The following UGGT2 variants were observed in gnomAD, a reference collection of about 807,000 sequenced individuals.
UGGT2 encodes the protein UDP-glucose:glycoprotein glucosyltransferase 2.
Under a neutral mutation model 192.1 loss-of-function variants are expected in UGGT2, and 180 were observed. That is an observed-to-expected ratio of 0.94 (90% CI 0.83 to 1.06). The LOEUF (loss-of-function observed/expected upper bound fraction) is 1.06, where lower values mean the gene tolerates loss of function less well. UGGT2 is among the 50% of genes least tolerant of loss of function. UGGT2 has a pLI of 0.00. For synonymous variants in UGGT2, 580 were observed against 591.0 expected (o/e 0.98, Z 0.27); for missense variants, 1,849 against 1,795.7 (o/e 1.03, Z -0.54).
At chr13:95,906,323 ATAAT>A (rs2048290245) in intron 20 of UGGT2, among the ~76,000 whole-genome samples, 1 of 152,190 alleles carries the variant, frequency 6.6e-6, no homozygotes, top group South Asian at 2.1e-4. Context: ...CTTAAACTAT[ATAAT>A]TAATTCTAAT....
In UGGT2 at chr13:95,931,632, G is replaced by A. The variant is rs368113762; in HGVS notation, c.1978-4296C>T. ...CCCAGGGGGAGGCAGATGAGGCAGC[G>A]AGAATTCGAGCACAGTGCTGGCCCA... On this transcript the variant is annotated intron_variant, in intron 17 of 38. Transcript: ENST00000376747. Among the ~76,000 whole-genome samples, 124 of 152,232 alleles carry A rather than the reference G, an allele frequency of 8.1e-4. 2 individuals are homozygous for A. In the East Asian group the frequency reaches 0.013, roughly 16 times the overall value.
chr13:95,921,053 A>G (rs2048829285), intron 20 of UGGT2, among the ~76,000 whole-genome samples: 1 of 152,158 alleles, frequency 6.6e-6, no homozygotes, highest in Non-Finnish European at 1.5e-5. Context: ...GGGACACAGA[A>G]GGAGTTGGAA....
intron 19 of UGGT2, 57 bp downstream of exon 19, chr13:95,926,971 G>A (rs2049034318): frequency 6.9e-7 from 1 of 1,449,574 alleles, no homozygotes; most frequent in Non-Finnish European, 9.3e-7. Flanking sequence ...ACTGCCTTAT[G>A]AACATTACAA....
intron 17 of UGGT2, among the ~76,000 whole-genome samples, chr13:95,929,311 T>C (rs1174483230): frequency 6.6e-6 from 1 of 152,256 alleles, no homozygotes; most frequent in African/African-American, 2.4e-5. Flanking sequence ...GCTTTTATTT[T>C]AGATTCGAGG....
intron 10 of UGGT2, among the ~76,000 whole-genome samples, chr13:95,982,483 G>T (rs1482275465): frequency 5.3e-5 from 8 of 152,166 alleles, no homozygotes; most frequent in Non-Finnish European, 1.5e-5. Flanking sequence ...GCATAATAGG[G>T]TGGAGTGGTC....
At chr13:95,973,203 A>AT (rs993701722) in intron 10 of UGGT2, among the ~76,000 whole-genome samples, 118 of 152,038 alleles carry the variant, frequency 7.8e-4, no homozygotes, top group African/African-American at 2.5e-3. Flanking sequence ...ATAATAAATA[A>AT]AAATAAAAAT....
intron 5 of UGGT2, among the ~76,000 whole-genome samples, chr13:96,000,109 A>G (rs2051750494): frequency 6.6e-6 from 1 of 152,190 alleles, no homozygotes; most frequent in Non-Finnish European, 1.5e-5. Flanking sequence ...CTGTACTGCA[A>G]CCATTATCAT....
At chr13:95,850,252 A>T (rs1888903544) in intron 36 of UGGT2, among the ~76,000 whole-genome samples, 1 of 152,216 alleles carries the variant, frequency 6.6e-6, no homozygotes, top group Non-Finnish European at 1.5e-5. Flanking sequence ...GAATGTAGAA[A>T]GAAAAGTAGT....
chr13:96,025,590 CAGG>C (rs1483072001), intron 2 of UGGT2, among the ~76,000 whole-genome samples: 2 of 152,178 alleles, frequency 1.3e-5, no homozygotes, highest in Non-Finnish European at 2.9e-5. Flanking sequence ...ATGAATCACT[CAGG>C]AGATTTCCTC....
intron 38 of UGGT2, among the ~76,000 whole-genome samples, chr13:95,816,811 T>A (rs971729221): frequency 1.3e-5 from 2 of 152,184 alleles, no homozygotes; most frequent in Non-Finnish European, 2.9e-5. Context: ...GGTGGTTACA[T>A]GACTGTATAT....
At chr13:95,974,894 C>T (rs542297009) in intron 10 of UGGT2, among the ~76,000 whole-genome samples, 1 of 152,120 alleles carries the variant, frequency 6.6e-6, no homozygotes, top group African/African-American at 2.4e-5. Flanking sequence ...CCAGCCTGTC[C>T]AACATGGTGA....
intron 20 of UGGT2, among the ~76,000 whole-genome samples, chr13:95,911,598 C>T (rs373852442): frequency 6.6e-6 from 1 of 152,066 alleles, no homozygotes; most frequent in Non-Finnish European, 1.5e-5. Context: ...AATTAATAGC[C>T]TACCAACTAA....
At chr13:96,001,908 CTTATGACTTTCTTAATAACATTA>C (rs1455884041) in intron 5 of UGGT2, among the ~76,000 whole-genome samples, 5 of 152,040 alleles carry the variant, frequency 3.3e-5, no homozygotes, top group Non-Finnish European at 7.4e-5. Context: ...TTTTCTCTTC[CTTATGACTTTCTTAATAACATTA>C]CTTATCTAGC....
intron 1 of UGGT2, among the ~76,000 whole-genome samples, chr13:96,040,803 A>AAGGACCT: frequency 6.6e-6 from 1 of 152,316 alleles, no homozygotes; most frequent in East Asian, 1.9e-4. Context: ...CTTAAGGAGC[A>AAGGACCT]TAACACAGCA....
chr13:95,875,830 A>G (rs1000243350), intron 29 of UGGT2, among the ~76,000 whole-genome samples: 2 of 151,822 alleles, frequency 1.3e-5, no homozygotes, highest in African/African-American at 4.8e-5. Context: ...GAGTGGTGAA[A>G]AAAAGATACA....
intron 20 of UGGT2, among the ~76,000 whole-genome samples, chr13:95,924,529 C>G (rs927331663): frequency 4.1e-5 from 6 of 148,080 alleles, no homozygotes; most frequent in Admixed American, 1.4e-4. Context: ...TTATTCTTAA[C>G]GTGGTAGCTA....
intron 35 of UGGT2, among the ~76,000 whole-genome samples, chr13:95,854,025 T>A (rs1160549422): frequency 6.6e-6 from 1 of 152,188 alleles, no homozygotes; most frequent in East Asian, 1.9e-4. Flanking sequence ...CTCTTAGCTC[T>A]GTTATATACT....
intron 22 of UGGT2, 23 bp from the exon 23 acceptor site, chr13:95,895,327 T>C (rs2047917501): frequency 7.7e-7 from 1 of 1,303,350 alleles, no homozygotes; most frequent in Non-Finnish European, 1.0e-6. Flanking sequence ...ACAGTTATAT[T>C]ATCATATATC....
intron 34 of UGGT2, among the ~76,000 whole-genome samples, chr13:95,855,106 TAAAAAAA>T (rs10713359): frequency 4.0e-5 from 2 of 49,918 alleles, no homozygotes; most frequent in African/African-American, 8.7e-5. Flanking sequence ...ACCCTGTCTG[TAAAAAAA>T]AAAAAAAAAA....
Sources: gnomAD v4.1 joint callset for allele counts (sites outside exome capture counted in the v4.1 genomes callset) on GRCh38, gnomAD v4.1.1 for gene constraint, MANE v1.5 for transcripts, NCBI Gene and HGNC (gene_info 2026-07-23, HGNC 2026-07-21) for gene names.